The following ZMAT4 variants were observed in gnomAD, a reference collection of about 807,000 sequenced individuals.
ZMAT4 encodes zinc finger matrin-type 4, also known as zinc finger matrin-type protein 4.
A neutral mutation model predicts 28.7 loss-of-function variants in ZMAT4; 17 were observed. The observed-to-expected ratio is 0.59, with a 90% CI of 0.41 to 0.89. The LOEUF (loss-of-function observed/expected upper bound fraction) is 0.89. Among genes scored for constraint, ZMAT4 ranks in the 40% least tolerant of loss-of-function variants. The pLI, the probability that ZMAT4 is intolerant of heterozygous loss-of-function variation, is 0.00. For missense variants in ZMAT4, 240 were observed against 283.8 expected, an observed-to-expected ratio of 0.85 and a Z score of 1.11; for synonymous variants, 117 against 109.2, an observed-to-expected ratio of 1.07 and a Z score of -0.44.
At chr8:40,744,871 C>T (rs1284804665) in intron 3 of ZMAT4, among the ~76,000 whole-genome samples, 1 of 152,164 alleles carries the variant, frequency 6.6e-6, no homozygotes, top group African/African-American at 2.4e-5. Flanking sequence ...ACAATAGGTG[C>T]TTTGAGAAAT....
At chr8:40,641,733 C>A (rs1462663936) in intron 5 of ZMAT4, among the ~76,000 whole-genome samples, 2 of 152,052 alleles carry the variant, frequency 1.3e-5, no homozygotes, top group African/African-American at 4.8e-5. Context: ...GCCTTCTTAG[C>A]AAATTTTTAA....
intron 3 of ZMAT4, among the ~76,000 whole-genome samples, chr8:40,759,435 C>T (rs1812838170): frequency 2.0e-5 from 3 of 152,124 alleles, no homozygotes. Flanking sequence ...GTGGAGCCCT[C>T]ATGAATGGGA....
chr8:40,882,376 C>T (rs947464150), intron 1 of ZMAT4, among the ~76,000 whole-genome samples: 22 of 152,270 alleles, frequency 1.4e-4, no homozygotes, highest in Admixed American at 5.9e-4. Flanking sequence ...ACCCTGGCAA[C>T]GCTACCTTGT....
intron 5 of ZMAT4, among the ~76,000 whole-genome samples, chr8:40,598,146 ATGCTTTC>A (rs1209626597): frequency 6.6e-6 from 1 of 152,210 alleles, no homozygotes; most frequent in East Asian, 1.9e-4. Flanking sequence ...TGTGAGTGAT[ATGCTTTC>A]TTTGAACATG....
intron 1 of ZMAT4, among the ~76,000 whole-genome samples, chr8:40,856,072 G>A (rs539333890): frequency 2.0e-5 from 3 of 152,210 alleles, no homozygotes; most frequent in African/African-American, 7.2e-5. Flanking sequence ...TAGTACATGG[G>A]CCCCAGTAAA....
At chr8:40,609,145 T>C (rs547003498) in intron 5 of ZMAT4, among the ~76,000 whole-genome samples, 13 of 152,324 alleles carry the variant, frequency 8.5e-5, no homozygotes, top group African/African-American at 2.6e-4. Context: ...GACCATACTT[T>C]AGCAAAATTC....
In ZMAT4 at chr8:40,897,800, G is replaced by A. The variant is rs1181647377; in HGVS notation, c.-122C>T. The stretch of plus-strand genomic sequence containing the variant: ...TTACACGTTCCTGTCTCTGCGACCA[G>A]ACCTTTCGGCAGCTCGGACCAACTG... On this transcript the variant is annotated 5_prime_UTR_variant, in exon 1 of 7. Transcript: ENST00000297737. 1 of 152,250 alleles carries A rather than the reference G, an allele frequency of 6.6e-6. No homozygotes were observed. Among genetic ancestry groups the A allele is most frequent in the East Asian group, 1.9e-4 (1 of 5,180 alleles). The allele number at this position is 152,250 out of a possible 1,614,324, so 9.4% of individuals were successfully genotyped here.
intron 2 of ZMAT4, among the ~76,000 whole-genome samples, chr8:40,788,367 G>A (rs1342264912): frequency 5.3e-5 from 8 of 152,220 alleles, no homozygotes; most frequent in African/African-American, 1.7e-4. Flanking sequence ...GGCGGATCAC[G>A]AGGTCAGGAG....
intron 1 of ZMAT4, among the ~76,000 whole-genome samples, chr8:40,854,848 C>G (rs192878234): frequency 7.9e-5 from 12 of 152,008 alleles, no homozygotes; most frequent in African/African-American, 2.7e-4. Context: ...AGAAATACTG[C>G]GAGATACCCT....
chr8:40,660,828 C>A (rs1808157126), intron 5 of ZMAT4, among the ~76,000 whole-genome samples: 3 of 152,154 alleles, frequency 2.0e-5, no homozygotes, highest in Admixed American at 2.0e-4. Context: ...TTGTTCATTT[C>A]TTTCTTTACC....
intron 2 of ZMAT4, among the ~76,000 whole-genome samples, chr8:40,772,993 C>T (rs1191213232): frequency 6.6e-6 from 1 of 152,186 alleles, no homozygotes; most frequent in Non-Finnish European, 1.5e-5. Context: ...CCCCAGGAAG[C>T]ATCCCTTCAC....
At position 40,844,098 on chromosome 8, in the gene ZMAT4, C is replaced by T. The variant is rs116478952; in HGVS notation, c.-4-18418G>A. ...GAAAGTGCCCAATGATTCCACCAGC[C>T]GACCTAACCGCTGAAGAGTGACAGG... On this transcript the variant is annotated intron_variant, in intron 1 of 6. Coordinates refer to ENST00000297737, the MANE Select transcript of ZMAT4 (RefSeq NM_024645.3). Among the ~76,000 whole-genome samples, 1,050 of 152,246 alleles carry T rather than the reference C, an allele frequency of 6.9e-3. 10 individuals are homozygous for T. The highest frequency in any genetic ancestry group is 0.023 in the African/African-American group (960 of 41,526).
intron 3 of ZMAT4, among the ~76,000 whole-genome samples, chr8:40,704,891 G>T (rs1211737205): frequency 6.6e-6 from 1 of 152,170 alleles, no homozygotes; most frequent in Non-Finnish European, 1.5e-5. Context: ...GTTATTGTGT[G>T]AGTTTGTCCA....
chr8:40,759,475 AGGTG>A (rs1293561456), intron 3 of ZMAT4, among the ~76,000 whole-genome samples: 1 of 152,074 alleles, frequency 6.6e-6, no homozygotes. Flanking sequence ...AGACACAAAG[AGGTG>A]ATCTCTCTTG....
intron 3 of ZMAT4, among the ~76,000 whole-genome samples, chr8:40,705,305 G>A (rs1286519485): frequency 6.6e-6 from 1 of 152,176 alleles, no homozygotes; most frequent in African/African-American, 2.4e-5. Flanking sequence ...CTAACCAAGA[G>A]AAGTGGCTAA....
intron 1 of ZMAT4, among the ~76,000 whole-genome samples, chr8:40,842,030 G>A (rs1403876755): frequency 6.6e-6 from 1 of 152,196 alleles, no homozygotes; most frequent in Non-Finnish European, 1.5e-5. Context: ...TGATGCCTCT[G>A]TGATCAGAAA....
chr8:40,777,554 ATG>A, intron 2 of ZMAT4, among the ~76,000 whole-genome samples: 1 of 152,318 alleles, frequency 6.6e-6, no homozygotes, highest in South Asian at 2.1e-4. Flanking sequence ...GTGTTGGCCG[ATG>A]GCCACTGGTG....
chr8:40,642,052 C>A (rs901546243), intron 5 of ZMAT4, among the ~76,000 whole-genome samples: 2 of 152,014 alleles, frequency 1.3e-5, no homozygotes, highest in African/African-American at 2.4e-5. Context: ...AAAAAGTTGG[C>A]AGGTCATTAA....
intron 3 of ZMAT4, among the ~76,000 whole-genome samples, chr8:40,727,616 G>A (rs1343383863): frequency 6.6e-6 from 1 of 152,224 alleles, no homozygotes; most frequent in Non-Finnish European, 1.5e-5. Flanking sequence ...GTCTACTACA[G>A]AGTGGCATGA....
Sources: gnomAD v4.1 joint callset for allele counts (sites outside exome capture counted in the v4.1 genomes callset) on GRCh38, gnomAD v4.1.1 for gene constraint, MANE v1.5 for transcripts, NCBI Gene and HGNC (gene_info 2026-07-23, HGNC 2026-07-21) for gene names.